Variants in PCBP3 observed in about 807,000 individuals in gnomAD.
PCBP3 encodes the protein poly(rC) binding protein 3.
Under a neutral mutation model 52.7 loss-of-function variants are expected in PCBP3, and 25 were observed. That is an observed-to-expected ratio of 0.47 (90% CI 0.35 to 0.66). The LOEUF (loss-of-function observed/expected upper bound fraction) is 0.66. PCBP3 is among the 30% of genes least tolerant of loss of function. PCBP3 has a pLI of 0.01. For missense variants in PCBP3, 391 were observed against 490.3 expected (o/e 0.80, Z 1.91); for synonymous variants, 162 against 183.0 (o/e 0.89, Z 0.93).
intron 1 of PCBP3, among the ~76,000 whole-genome samples, chr21:45,653,427 A>G (rs2079814744): frequency 1.3e-5 from 2 of 152,136 alleles, no homozygotes; most frequent in Admixed American, 1.3e-4. Context: ...ACACAGATTT[A>G]AAACTATTAG....
chr21:45,686,825 G>C (rs1229899940), intron 2 of PCBP3, among the ~76,000 whole-genome samples: 1 of 151,904 alleles, frequency 6.6e-6, no homozygotes, highest in Non-Finnish European at 1.5e-5. Flanking sequence ...GTATAACATA[G>C]AAATAGAAAA....
intron 5 of PCBP3, among the ~76,000 whole-genome samples, chr21:45,870,032 TATTGA>T (rs2094935907): frequency 6.6e-6 from 1 of 151,226 alleles, no homozygotes; most frequent in Admixed American, 6.6e-5. Context: ...TCTTTATTTT[TATTGA>T]ATTTATTTTT....
chr21:45,657,248 A>G (rs1355979864), intron 1 of PCBP3, among the ~76,000 whole-genome samples: 4 of 152,168 alleles, frequency 2.6e-5, no homozygotes, highest in African/African-American at 9.7e-5. Flanking sequence ...CTAGGTCACA[A>G]AGATTTACAC....
intron 4 of PCBP3, among the ~76,000 whole-genome samples, chr21:45,799,570 G>A (rs76545968): frequency 4.6e-5 from 7 of 152,226 alleles, no homozygotes; most frequent in African/African-American, 1.4e-4. Context: ...CTTGGATAAG[G>A]GGGGAGGGCT....
intron 5 of PCBP3, among the ~76,000 whole-genome samples, chr21:45,888,779 A>G (rs1446215478): frequency 1.3e-5 from 2 of 152,248 alleles, no homozygotes; most frequent in South Asian, 2.1e-4. Context: ...TTGCACATCA[A>G]ATCACACGTG....
chr21:45,658,210 T>C (rs945219317), intron 1 of PCBP3, among the ~76,000 whole-genome samples: 2 of 152,238 alleles, frequency 1.3e-5, no homozygotes, highest in Non-Finnish European at 2.9e-5. Context: ...GATTCAGTTT[T>C]GTATGTTGAG....
At chr21:45,854,437 G>A (rs976845162) in intron 5 of PCBP3, among the ~76,000 whole-genome samples, 3 of 152,148 alleles carry the variant, frequency 2.0e-5, no homozygotes, top group South Asian at 2.1e-4. Flanking sequence ...CCAGCCTCTG[G>A]CACCCAGGAT....
At position 45,880,309 on chromosome 21, in the gene PCBP3, G is replaced by A. The variant is rs1012500544; in HGVS notation, c.11-15899G>A. 7.9e-5 allele frequency among the ~76,000 whole-genome samples: 12 copies of A among 152,144 alleles called. 1 individual carries two copies. In the South Asian group the frequency reaches 8.3e-4, roughly 10 times the overall value. Reference sequence around the variant, plus strand: ...AGGGGAGGGGAGCGCCTGGGGCGCCGCGGTCCTGACCCCACACAACTTCTT... The same window carrying A: ...AGGGGAGGGGAGCGCCTGGGGCGCCACGGTCCTGACCCCACACAACTTCTT... On this transcript the variant is annotated intron_variant, in intron 5 of 17. Coordinates refer to ENST00000681687, the MANE Select transcript of PCBP3 (RefSeq NM_001384156.1). This position sits in a 1 kb window ranked among gnomAD's most constrained non-coding sequence, Gnocchi z 5.4.
At chr21:45,754,950 G>A (rs564180823) in intron 3 of PCBP3, among the ~76,000 whole-genome samples, 8 of 151,406 alleles carry the variant, frequency 5.3e-5, no homozygotes, top group African/African-American at 1.9e-4. Context: ...GCTTGGGATT[G>A]TTCTTGGTAT....
intron 4 of PCBP3, among the ~76,000 whole-genome samples, chr21:45,839,120 G>GT (rs1298229102): frequency 1.3e-5 from 2 of 151,908 alleles, no homozygotes; most frequent in Non-Finnish European, 2.9e-5. Context: ...AGGAAGGTTT[G>GT]TATTTTTTTT....
intron 5 of PCBP3, among the ~76,000 whole-genome samples, chr21:45,893,237 G>A (rs1603472436): frequency 6.6e-6 from 1 of 151,970 alleles, no homozygotes; most frequent in East Asian, 1.9e-4. Context: ...GAGTGGGGAG[G>A]AGGGAGGGGG....
chr21:45,686,953 A>G (rs1470276441), intron 2 of PCBP3, among the ~76,000 whole-genome samples: 3 of 152,196 alleles, frequency 2.0e-5, no homozygotes, highest in Admixed American at 1.3e-4. Flanking sequence ...GTGAAGAAAA[A>G]AAATATTTGA....
Position 45,861,302 on chromosome 21 carries a change from A to C in PCBP3, c.10+11207A>C, listed in dbSNP as rs549123154. On this transcript the variant is annotated intron_variant, in intron 5 of 17. Coordinates refer to ENST00000681687, the MANE Select transcript of PCBP3 (RefSeq NM_001384156.1). ...CCACCCACCTTCCACCCCACTGGCA[A>C]CCAGGCCCTGCCTGCCTGTTCTGCT... 5.3e-5 allele frequency among the ~76,000 whole-genome samples: 8 copies of C among 152,226 alleles called. No homozygotes were observed. In the South Asian group the frequency reaches 1.7e-3, roughly 32 times the overall value.
intron 4 of PCBP3, among the ~76,000 whole-genome samples, chr21:45,839,286 C>A (rs1307986694): frequency 2.0e-5 from 3 of 152,210 alleles, no homozygotes; most frequent in African/African-American, 7.2e-5. Context: ...CCCACCTCTT[C>A]CTCCCATTTC....
At chr21:45,692,576 GA>G (rs1222495545) in intron 2 of PCBP3, among the ~76,000 whole-genome samples, 1 of 152,080 alleles carries the variant, frequency 6.6e-6, no homozygotes, top group Admixed American at 6.5e-5. Context: ...TCAAAACAAC[GA>G]AGCAATTAAA....
chr21:45,695,049 A>G (rs558673069), intron 2 of PCBP3, among the ~76,000 whole-genome samples: 2 of 152,342 alleles, frequency 1.3e-5, no homozygotes, highest in South Asian at 4.1e-4. Context: ...ACCAGCCATT[A>G]TGAGGATATA....
chr21:45,646,103 CTCTCTGTGTGTGTGTGTGTGTGTG>C (rs953064550), intron 1 of PCBP3, among the ~76,000 whole-genome samples: 4 of 77,006 alleles, frequency 5.2e-5, no homozygotes, highest in African/African-American at 1.6e-4. Context: ...CTCTCTCTCT[CTCTCTGTGTGTGTGTGTGTGTGTG>C]TGTGTGTGTG....
Position 45,704,164 on chromosome 21 carries a change from G to T in PCBP3, c.-199-31228G>T, listed in dbSNP as rs71324441. 2.5e-3 allele frequency among the ~76,000 whole-genome samples: 386 copies of T among 152,308 alleles called. 2 individuals carry two copies. The highest frequency in any genetic ancestry group is 4.2e-3 in the Non-Finnish European group (285 of 68,024). On this transcript the variant is annotated intron_variant, in intron 2 of 17. Transcript: ENST00000681687. This position sits in a 1 kb window ranked among gnomAD's most constrained non-coding sequence, Gnocchi z 4.1. ...AGCTGGAGGAAAGCCAAGGGGCACT[G>T]CCCAGCCGCTGAGTGGGTGGTGGTG...
chr21:45,841,446 A>G (rs1474690978), intron 4 of PCBP3, among the ~76,000 whole-genome samples: 1 of 151,774 alleles, frequency 6.6e-6, no homozygotes, highest in Admixed American at 6.6e-5. Flanking sequence ...AGTTCTGTCA[A>G]TAGTAAAATG....
Sources: allele counts gnomAD v4.1 joint callset (sites outside exome capture counted in the v4.1 genomes callset), GRCh38; gene constraint gnomAD v4.1.1; non-coding constraint Gnocchi (gnomAD v3.1); transcripts MANE v1.5; gene names NCBI Gene and HGNC (gene_info 2026-07-23, HGNC 2026-07-21).